The following RASAL2 variants were observed in gnomAD, a reference collection of about 807,000 sequenced individuals.
RASAL2 encodes the protein RAS protein activator like 2.
RASAL2 carries 58 observed loss-of-function variants against 128.9 expected under a neutral mutation model. The observed-to-expected ratio is 0.45, with a 90% CI of 0.36 to 0.56. RASAL2 has a LOEUF of 0.56. Among genes scored for constraint, RASAL2 ranks in the 20% least tolerant of loss-of-function variants. The pLI is 0.00. For missense variants in RASAL2, 1,360 were observed against 1,601.6 expected, an observed-to-expected ratio of 0.85 and a Z score of 2.57; for synonymous variants, 561 against 580.8, an observed-to-expected ratio of 0.97 and a Z score of 0.49.
At chr1:178,103,398 A>G (rs1658976960) in intron 1 of RASAL2, among the ~76,000 whole-genome samples, 1 of 152,136 alleles carries the variant, frequency 6.6e-6, no homozygotes, top group Non-Finnish European at 1.5e-5. Context: ...AGAAAAATAC[A>G]TAGAATTGCT....
intron 1 of RASAL2, among the ~76,000 whole-genome samples, chr1:178,194,165 T>G (rs554891444): frequency 6.6e-6 from 1 of 152,214 alleles, no homozygotes; most frequent in South Asian, 2.1e-4. Flanking sequence ...TAGCAACTTA[T>G]CACTCCTGAG....
intron 4 of RASAL2, among the ~76,000 whole-genome samples, chr1:178,399,087 G>A (rs1363246110): frequency 6.6e-6 from 1 of 152,120 alleles, no homozygotes; most frequent in Non-Finnish European, 1.5e-5. Context: ...GAATTCGTGG[G>A]GACCTTGGGC....
intron 1 of RASAL2, among the ~76,000 whole-genome samples, chr1:178,185,815 A>G (rs2101938028): frequency 6.6e-6 from 1 of 152,128 alleles, no homozygotes; most frequent in South Asian, 2.1e-4. Context: ...CTTTATATTC[A>G]TGTTTATGAG....
intron 1 of RASAL2, among the ~76,000 whole-genome samples, chr1:178,212,859 C>T (rs1558118255): frequency 6.6e-6 from 1 of 152,142 alleles, no homozygotes; most frequent in Non-Finnish European, 1.5e-5. Context: ...TTGGTGCCCA[C>T]TATATTCAAT....
At chr1:178,351,002 G>A (rs1246733417) in intron 3 of RASAL2, among the ~76,000 whole-genome samples, 2 of 152,114 alleles carry the variant, frequency 1.3e-5, no homozygotes, top group Non-Finnish European at 2.9e-5. Context: ...ATGACAGAAG[G>A]CAAAACGAGA....
chr1:178,132,397 C>T (rs948976789), intron 1 of RASAL2, among the ~76,000 whole-genome samples: 2 of 151,900 alleles, frequency 1.3e-5, no homozygotes, highest in Admixed American at 6.6e-5. Flanking sequence ...GTCAGTGTAC[C>T]ATACCTGTTA....
chr1:178,195,022 G>A (rs1339221744), intron 1 of RASAL2, among the ~76,000 whole-genome samples: 3 of 152,132 alleles, frequency 2.0e-5, no homozygotes, highest in Non-Finnish European at 4.4e-5. Context: ...TCTAATTTTT[G>A]CTTTCCTCAT....
Position 178,339,150 on chromosome 1 carries a change from A to G in RASAL2, c.457+39032A>G, listed in dbSNP as rs544920403. ...TAGCACTGTGTATGTTATGTGCTGAAATAAGAACATTAAGGAATTCATCTC... is the reference window on the plus strand; with the variant it reads ...TAGCACTGTGTATGTTATGTGCTGAGATAAGAACATTAAGGAATTCATCTC... On this transcript the variant is annotated intron_variant, in intron 3 of 17. Coordinates refer to ENST00000367649, the MANE Select transcript of RASAL2 (RefSeq NM_170692.4). Among the ~76,000 whole-genome samples the G allele has an allele frequency of 1.3e-3, 193 of 152,366 alleles. 1 individual carries two copies. The highest frequency in any genetic ancestry group is 3.4e-3 in the Middle Eastern group (1 of 294).
chr1:178,304,205 A>G (rs536118822), intron 3 of RASAL2, among the ~76,000 whole-genome samples: 1 of 152,268 alleles, frequency 6.6e-6, no homozygotes, highest in South Asian at 2.1e-4. Context: ...TATGCTACCA[A>G]AAGGGCCACT....
intron 3 of RASAL2, among the ~76,000 whole-genome samples, chr1:178,321,759 C>T (rs1487038339): frequency 5.9e-5 from 9 of 151,738 alleles, no homozygotes; most frequent in Non-Finnish European, 1.2e-4. Flanking sequence ...GAGGCCAAGG[C>T]GGGTGGATCA....
At chr1:178,169,853 A>C (rs1661647178) in intron 1 of RASAL2, among the ~76,000 whole-genome samples, 1 of 152,036 alleles carries the variant, frequency 6.6e-6, no homozygotes, top group South Asian at 2.1e-4. Context: ...AAAAATTATT[A>C]GGGTGTTTAC....
intron 1 of RASAL2, among the ~76,000 whole-genome samples, chr1:178,116,508 G>C (rs1659522927): frequency 6.6e-6 from 1 of 152,010 alleles, no homozygotes; most frequent in Middle Eastern, 3.4e-3. Context: ...CATTATTTAG[G>C]TTATTAACCA....
At chr1:178,346,210 C>T (rs934474375) in intron 3 of RASAL2, among the ~76,000 whole-genome samples, 7 of 151,882 alleles carry the variant, frequency 4.6e-5, no homozygotes, top group Non-Finnish European at 8.8e-5. Flanking sequence ...GAGGCCAGGC[C>T]TGGCAACATA....
chr1:178,443,034 A>G lies in RASAL2; in HGVS notation c.1287A>G (p.Gly429=). ...CACCCAACAAAGGAAAGACAGGAGGACCTTCTATTCGGATTAAATCACGTT... is the reference window on the plus strand; with the variant it reads ...CACCCAACAAAGGAAAGACAGGAGGGCCTTCTATTCGGATTAAATCACGTT... The part of the protein sequence containing the change: ...TPTPNKGKTG[G]PSIRIKSRFQ... Residue 429 remains glycine (G), a synonymous_variant, in exon 8 of 18, where the codon GGA becomes GGG. Coordinates refer to ENST00000367649, the MANE Select transcript of RASAL2 (RefSeq NM_170692.4). 1.2e-6 allele frequency: 2 copies of G among 1,614,080 alleles called. No individual in the cohort carries two copies. The highest frequency in any genetic ancestry group is 1.7e-6 in the Non-Finnish European group (2 of 1,179,980).
rs539822149 is a variant in RASAL2, at chr1:178,223,932, A to C, written c.203-59632A>C. ...TTAGGATAAGGAACACTAGAATAAG[A>C]CCAGATTTTAAAAGAAAGATCATAG... On this transcript the variant is annotated intron_variant, in intron 1 of 17. Transcript: ENST00000367649. 1.7e-3 allele frequency among the ~76,000 whole-genome samples: 252 copies of C among 152,296 alleles called. 1 individual carries two copies. Among genetic ancestry groups the C allele is most frequent in the African/African-American group, 5.8e-3 (242 of 41,562 alleles).
At chr1:178,445,490 TC>T in intron 8 of RASAL2, 27 bp from the exon 9 acceptor site, 1 of 1,608,274 alleles carries the variant, frequency 6.2e-7, no homozygotes, top group Non-Finnish European at 8.5e-7. Flanking sequence ...TCAGTTGCTT[TC>T]TGCCTGATTG....
At chr1:178,305,419 C>T (rs1667941639) in intron 3 of RASAL2, among the ~76,000 whole-genome samples, 1 of 152,058 alleles carries the variant, frequency 6.6e-6, no homozygotes, top group African/African-American at 2.4e-5. Flanking sequence ...GTATAGTAAC[C>T]AAAATAGCAC....
Position 178,473,264 on chromosome 1 carries a change from A to T in RASAL2, c.*25A>T. 1 of 1,613,808 alleles carries T rather than the reference A, an allele frequency of 6.2e-7. No homozygotes were observed. The highest frequency in any genetic ancestry group is 8.5e-7 in the Non-Finnish European group (1 of 1,179,738). On this transcript the variant is annotated 3_prime_UTR_variant, in exon 18 of 18. Coordinates refer to ENST00000367649, the MANE Select transcript of RASAL2 (RefSeq NM_170692.4). ...ACGGGCTTTGTCTGTGGAAGGAGACAGAAGGAAATTGACCCACTCTCCTAT... is the reference window on the plus strand; with the variant it reads ...ACGGGCTTTGTCTGTGGAAGGAGACTGAAGGAAATTGACCCACTCTCCTAT...
At chr1:178,110,762 A>G (rs1659290140) in intron 1 of RASAL2, among the ~76,000 whole-genome samples, 1 of 150,858 alleles carries the variant, frequency 6.6e-6, no homozygotes, top group Non-Finnish European at 1.5e-5. Flanking sequence ...AATTTTTTGT[A>G]TTTTTAGTAG....
Sources: allele counts gnomAD v4.1 joint callset (sites outside exome capture counted in the v4.1 genomes callset), GRCh38; gene constraint gnomAD v4.1.1; transcripts MANE v1.5; gene names NCBI Gene and HGNC (gene_info 2026-07-23, HGNC 2026-07-21).